The following AGBL4 variants were observed in gnomAD, a reference collection of about 807,000 sequenced individuals.
AGBL4 encodes cytosolic carboxypeptidase 6.
AGBL4 carries 58 observed loss-of-function variants against 66.4 expected under a neutral mutation model. That is an observed-to-expected ratio of 0.87 (90% confidence interval 0.71 to 1.09). The LOEUF (loss-of-function observed/expected upper bound fraction) is 1.09. AGBL4 is among the 50% of genes least tolerant of loss of function. The pLI is 0.00. For missense variants in AGBL4, 579 were observed against 631.0 expected, an observed-to-expected ratio of 0.92 and a Z score of 0.88; for synonymous variants, 234 against 222.9, an observed-to-expected ratio of 1.05 and a Z score of -0.44.
chr1:49,184,077 A>G (rs1328024213), intron 4 of AGBL4, among the ~76,000 whole-genome samples: 9 of 152,166 alleles, frequency 5.9e-5, no homozygotes, highest in Admixed American at 5.9e-4. Flanking sequence ...AACATTAAAG[A>G]TAAATAAAAG....
At chr1:49,925,159 G>T (rs1201942170) in intron 1 of AGBL4, among the ~76,000 whole-genome samples, 3 of 152,168 alleles carry the variant, frequency 2.0e-5, no homozygotes, top group Admixed American at 6.5e-5. Context: ...GGAAAAACAG[G>T]ATTGGAGAGG....
chr1:49,000,837 T>C (rs1310864439), intron 5 of AGBL4, among the ~76,000 whole-genome samples: 1 of 152,200 alleles, frequency 6.6e-6, no homozygotes, highest in Non-Finnish European at 1.5e-5. Flanking sequence ...GTAAAATTCT[T>C]ACTGAATACA....
At chr1:49,343,527 A>C (rs1024568421) in intron 3 of AGBL4, among the ~76,000 whole-genome samples, 7 of 152,208 alleles carry the variant, frequency 4.6e-5, no homozygotes, top group African/African-American at 1.7e-4. Flanking sequence ...AAACTCCCCC[A>C]CCACCAGAGG....
rs1557900337 is a variant in AGBL4 at position 49,395,794 on chromosome 1, TATATACATATATATATGTATAC to T, written c.283-149952_283-149931del. Reference sequence around the variant, plus strand: ...ATATATACATGTGTATATATGTATATATATACATATATATATGTATACATATATATATATGTGTATATATATA... The same window carrying T: ...ATATATACATGTGTATATATGTATATATATATATATATGTGTATATATATA... On this transcript the variant is annotated intron_variant, in intron 3 of 13. Transcript: ENST00000371839. 4.4e-5 allele frequency among the ~76,000 whole-genome samples: 6 copies of T among 135,190 alleles called. No individual in the cohort carries two copies. In the East Asian group the frequency reaches 6.1e-4, roughly 14 times the overall value. 88.7% of individuals were successfully genotyped at this position (135,190 alleles called of 152,430 possible).
intron 1 of AGBL4, among the ~76,000 whole-genome samples, chr1:49,938,088 T>C (rs1054031502): frequency 2.0e-5 from 3 of 149,206 alleles, no homozygotes; most frequent in African/African-American, 7.6e-5. Context: ...ACAAAAGTGA[T>C]AGACCGCTAG....
chr1:49,520,859 G>A (rs1650202722), intron 3 of AGBL4, among the ~76,000 whole-genome samples: 1 of 150,884 alleles, frequency 6.6e-6, no homozygotes, highest in Admixed American at 6.6e-5. Flanking sequence ...GCCCAGGCTG[G>A]AGTGCAGTGG....
chr1:49,677,829 T>C (rs1321904566), intron 3 of AGBL4, among the ~76,000 whole-genome samples: 2 of 152,102 alleles, frequency 1.3e-5, no homozygotes, highest in East Asian at 3.8e-4. Context: ...TTGCTTGCTT[T>C]CTCCACAGTG....
At chr1:48,700,328 T>C (rs1646781707) in intron 6 of AGBL4, among the ~76,000 whole-genome samples, 1 of 152,222 alleles carries the variant, frequency 6.6e-6, no homozygotes, top group Non-Finnish European at 1.5e-5. Flanking sequence ...ATGATGCTCC[T>C]TGTGCTCTTC....
intron 5 of AGBL4, among the ~76,000 whole-genome samples, chr1:48,962,123 A>ATCCATCCATCCG (rs551973316): frequency 6.6e-6 from 1 of 150,420 alleles, no homozygotes; most frequent in Middle Eastern, 3.4e-3. Context: ...CCATCCATCC[A>ATCCATCCATCCG]TCCGTCCATC....
chr1:48,706,755 A>G (rs769583546), intron 6 of AGBL4, among the ~76,000 whole-genome samples: 3 of 152,254 alleles, frequency 2.0e-5, no homozygotes, highest in Non-Finnish European at 4.4e-5. Flanking sequence ...CAATGACTAA[A>G]TGATGAGTGC....
At chr1:48,818,235 G>C (rs376356693) in intron 6 of AGBL4, 1 of 717,446 alleles carries the variant, frequency 1.4e-6, no homozygotes, top group Non-Finnish European at 2.6e-6. Flanking sequence ...GCGTAAATTA[G>C]TTAATTACAA....
chr1:49,374,309 T>C (rs1457151349), intron 3 of AGBL4: 2 of 151,934 alleles, frequency 1.3e-5, no homozygotes, highest in African/African-American at 2.4e-5. Context: ...CAGATTCTAC[T>C]TCTACTCTTC....
At chr1:48,717,647 A>C (rs1254649827) in intron 6 of AGBL4, among the ~76,000 whole-genome samples, 5 of 152,198 alleles carry the variant, frequency 3.3e-5, no homozygotes, top group Admixed American at 6.5e-5. Flanking sequence ...GTGAATCTTG[A>C]AATGGCTAGA....
intron 5 of AGBL4, among the ~76,000 whole-genome samples, chr1:48,958,109 CG>C (rs760632870): frequency 2.0e-5 from 3 of 152,066 alleles, no homozygotes; most frequent in African/African-American, 4.8e-5. Context: ...CCGCCTGCCT[CG>C]GCCTCCCAAA....
At chr1:49,191,020 A>C (rs1035146866) in intron 4 of AGBL4, among the ~76,000 whole-genome samples, 1 of 152,194 alleles carries the variant, frequency 6.6e-6, no homozygotes, top group African/African-American at 2.4e-5. Context: ...TGCTCAACTA[A>C]ATTTAGCAAA....
At chr1:49,258,012 C>G (rs1253436679) in intron 3 of AGBL4, among the ~76,000 whole-genome samples, 1 of 152,166 alleles carries the variant, frequency 6.6e-6, no homozygotes, top group Admixed American at 6.5e-5. Context: ...CATGAAAATC[C>G]ACGGTTCTGC....
chr1:49,848,861 G>C (rs1330638119), intron 2 of AGBL4, among the ~76,000 whole-genome samples: 1 of 152,128 alleles, frequency 6.6e-6, no homozygotes, highest in Non-Finnish European at 1.5e-5. Context: ...GAAAGTCCAT[G>C]GCATGAAATG....
chr1:48,598,089 G>A (rs1645022761), intron 9 of AGBL4, among the ~76,000 whole-genome samples: 1 of 152,348 alleles, frequency 6.6e-6, no homozygotes, highest in Admixed American at 6.5e-5. Context: ...AAACACTGGA[G>A]CTAAGCCTGG....
intron 3 of AGBL4, among the ~76,000 whole-genome samples, chr1:49,475,103 T>C (rs949255154): frequency 2.6e-5 from 4 of 152,028 alleles, no homozygotes; most frequent in Non-Finnish European, 5.9e-5. Flanking sequence ...TATTTTGAGG[T>C]ATGTTCCTTT....
Sources: allele counts gnomAD v4.1 joint callset (sites outside exome capture counted in the v4.1 genomes callset), GRCh38; gene constraint gnomAD v4.1.1; transcripts MANE v1.5; gene names NCBI Gene and HGNC (gene_info 2026-07-23, HGNC 2026-07-21).